RYR3: variants seen among roughly 807,000 people sequenced by gnomAD.
RYR3 encodes ryanodine receptor 3, also known as brain ryanodine receptor-calcium release channel.
RYR3 carries 207 observed loss-of-function variants against 584.3 expected under a neutral mutation model. The ratio of observed to expected loss-of-function variants is 0.35; its 90% CI spans 0.32 to 0.40. The LOEUF (loss-of-function observed/expected upper bound fraction) is 0.40. Among genes scored for constraint, RYR3 ranks in the 10% least tolerant of loss-of-function variants. The probability of loss-of-function intolerance (pLI) is 1.00; values close to 1 mark genes in which losing one functional copy is unlikely to be tolerated. For missense variants in RYR3, 5,616 were observed against 6,089.2 expected, an observed-to-expected ratio of 0.92 and a Z score of 2.59; for synonymous variants, 2,416 against 2,248.5, an observed-to-expected ratio of 1.07 and a Z score of -2.11.
intron 70 of RYR3, among the ~76,000 whole-genome samples, chr15:33,810,075 T>G (rs1167034835): frequency 6.6e-6 from 1 of 152,208 alleles, no homozygotes; most frequent in Admixed American, 6.5e-5. Context: ...ACAGAGCAAT[T>G]ATTCTGTGCT....
chr15:33,457,170 GATAC>G (rs1333428554), intron 1 of RYR3, among the ~76,000 whole-genome samples: 2 of 152,102 alleles, frequency 1.3e-5, no homozygotes, highest in East Asian at 1.9e-4. Context: ...AGAAAATTAA[GATAC>G]ATACATATTA....
chr15:33,731,444 T>A (rs1045539428), intron 47 of RYR3, 30 bp from the exon 48 acceptor site: 3 of 1,540,056 alleles, frequency 1.9e-6, no homozygotes, highest in Non-Finnish European at 2.7e-6. Flanking sequence ...CTCAGGGCAA[T>A]TAACCTGTGT....
intron 19 of RYR3, among the ~76,000 whole-genome samples, chr15:33,615,767 C>T (rs576309529): frequency 6.6e-6 from 1 of 152,284 alleles, no homozygotes; most frequent in East Asian, 1.9e-4. Flanking sequence ...TCATTGACAG[C>T]CATCAGAAGC....
At chr15:33,426,512 G>A (rs1187450628) in intron 1 of RYR3, among the ~76,000 whole-genome samples, 3 of 152,168 alleles carry the variant, frequency 2.0e-5, no homozygotes, top group Non-Finnish European at 4.4e-5. Flanking sequence ...TATCCTTTTA[G>A]TGGTAAGGGT....
chr15:33,590,339 G>A (rs610698), intron 16 of RYR3, among the ~76,000 whole-genome samples: 104,406 of 151,506 alleles, frequency 0.69, 36,499 homozygotes, highest in African/African-American at 0.82. Context: ...AGGTAATGTG[G>A]TGCCTCCAGC....
intron 1 of RYR3, among the ~76,000 whole-genome samples, chr15:33,312,312 C>T (rs1161686464): frequency 6.6e-6 from 1 of 152,110 alleles, no homozygotes; most frequent in African/African-American, 2.4e-5. Context: ...GCGCTTCCTT[C>T]CAATTTACTT....
chr15:33,760,644 C>T (rs1289797601), intron 60 of RYR3, among the ~76,000 whole-genome samples: 1 of 152,168 alleles, frequency 6.6e-6, no homozygotes, highest in Non-Finnish European at 1.5e-5. Context: ...GACTCCCACA[C>T]AATAATAGTG....
At chr15:33,514,615 T>C (rs2053338263) in intron 3 of RYR3, among the ~76,000 whole-genome samples, 1 of 151,610 alleles carries the variant, frequency 6.6e-6, no homozygotes, top group Non-Finnish European at 1.5e-5. Flanking sequence ...TGCATTACTT[T>C]TTTTTTTTTT....
intron 38 of RYR3, among the ~76,000 whole-genome samples, chr15:33,679,840 G>C (rs1376984177): frequency 6.6e-6 from 1 of 152,102 alleles, no homozygotes; most frequent in East Asian, 1.9e-4. Context: ...AAGAACTAAA[G>C]CTTTATGATT....
chr15:33,800,443 CTAATCAGTT>C (rs2075860505), intron 67 of RYR3, among the ~76,000 whole-genome samples: 1 of 152,182 alleles, frequency 6.6e-6, no homozygotes, highest in South Asian at 2.1e-4. Context: ...CCTTAATCAA[CTAATCAGTT>C]TAAAGAAAAA....
Position 33,864,206 on chromosome 15 carries a change from C to T in RYR3, c.14517+17C>T, listed in dbSNP as rs773452745. 2 of 1,595,770 alleles carry T rather than the reference C, an allele frequency of 1.3e-6. No individual in the cohort carries two copies. Among genetic ancestry groups the T allele is most frequent in the Non-Finnish European group, 8.6e-7 (1 of 1,167,002 alleles). On this transcript the variant is annotated intron_variant, in intron 103 of 103. Transcript: ENST00000634891. ...ACGGGTCAGGTGAGAAATTAAGAAT[C>T]ATATACCCGTGTTAGATCTCCCTTT...
rs144062468 is a variant in RYR3 at position 33,355,110 on chromosome 15, G to T, written c.51+44014G>T. 5.2e-3 allele frequency among the ~76,000 whole-genome samples: 793 copies of T among 151,890 alleles called. 6 individuals are homozygous for T. Among genetic ancestry groups the T allele is most frequent in the African/African-American group, 0.018 (744 of 41,374 alleles). Reference sequence around the variant, plus strand: ...AAGACAGGAGAATCGCTTGAACCTGGGGGGCGGAGGTTGCAGTGAGCTGAG... The same window carrying T: ...AAGACAGGAGAATCGCTTGAACCTGTGGGGCGGAGGTTGCAGTGAGCTGAG... On this transcript the variant is annotated intron_variant, in intron 1 of 103. Transcript: ENST00000634891.
intron 3 of RYR3, among the ~76,000 whole-genome samples, chr15:33,512,822 T>C (rs1472238951): frequency 3.3e-5 from 5 of 152,212 alleles, no homozygotes; most frequent in Admixed American, 3.3e-4. Context: ...AACATCTTCA[T>C]GAAAGTTTCT....
rs2066169364 is a variant in RYR3, at chr15:33,699,823, T to C, written c.6369T>C (p.Ser2123=). The stretch of plus-strand genomic sequence containing the variant: ...TGAGTTATCTTCTGGAGAATAGCAG[T>C]GTTGGCCTAGGTGCGTAAGTCTTCT... ...EHLSYLLENS[S]VGLASPSMRG... Residue 2123 remains serine (S), a synonymous_variant, in exon 41 of 104, where the codon AGT becomes AGC. Transcript: ENST00000634891. 1 of 1,613,350 alleles carries C rather than the reference T, an allele frequency of 6.2e-7. No individual in the cohort carries two copies. The highest frequency in any genetic ancestry group is 8.5e-7 in the Non-Finnish European group (1 of 1,179,514).
At chr15:33,837,455 C>G (rs2078117892) in intron 88 of RYR3, among the ~76,000 whole-genome samples, 176 bp from the exon 89 acceptor site, 1 of 152,310 alleles carries the variant, frequency 6.6e-6, no homozygotes, top group Non-Finnish European at 1.5e-5. Flanking sequence ...GTTTCTTTCC[C>G]CCTTGGCTCC....
intron 18 of RYR3, among the ~76,000 whole-genome samples, chr15:33,611,897 G>A (rs969038154): frequency 5.3e-5 from 8 of 152,092 alleles, no homozygotes; most frequent in South Asian, 2.1e-4. Flanking sequence ...GAGCTCAAGC[G>A]ATCTGCCTGC....
At chr15:33,735,123 T>C (rs1311090977) in intron 48 of RYR3, among the ~76,000 whole-genome samples, 2 of 152,172 alleles carry the variant, frequency 1.3e-5, no homozygotes, top group Non-Finnish European at 2.9e-5. Flanking sequence ...GGTTTTTTCA[T>C]TGTTTATTTT....
intron 1 of RYR3, among the ~76,000 whole-genome samples, chr15:33,350,410 C>A (rs1338278510): frequency 6.6e-6 from 1 of 152,042 alleles, no homozygotes; most frequent in Non-Finnish European, 1.5e-5. Context: ...CCAAGTGGAC[C>A]TAATAGACAT....
chr15:33,612,209 A>G (rs2060229306), intron 18 of RYR3, among the ~76,000 whole-genome samples: 1 of 152,210 alleles, frequency 6.6e-6, no homozygotes, highest in Admixed American at 6.5e-5. Flanking sequence ...TTTCCTCACT[A>G]CTTTAAGTCA....
Sources: gnomAD v4.1 joint callset for allele counts (sites outside exome capture counted in the v4.1 genomes callset) on GRCh38, gnomAD v4.1.1 for gene constraint, MANE v1.5 for transcripts, NCBI Gene and HGNC (gene_info 2026-07-23, HGNC 2026-07-21) for gene names.